MECOM: variants seen among roughly 807,000 people sequenced by gnomAD.
The protein encoded by MECOM is MDS1 and EVI1 complex locus.
MECOM carries 13 observed loss-of-function variants against 116.3 expected under a neutral mutation model. That is an observed-to-expected ratio of 0.11 (90% CI 0.07 to 0.18). The LOEUF is 0.18. MECOM is among the 10% of genes least tolerant of loss of function. The pLI, the probability that MECOM is intolerant of heterozygous loss-of-function variation, is 1.00. For synonymous variants in MECOM, 528 were observed against 535.2 expected, an observed-to-expected ratio of 0.99 and a Z score of 0.19; for missense variants, 1,299 against 1,509.0, an observed-to-expected ratio of 0.86 and a Z score of 2.31.
intron 2 of MECOM, chr3:169,269,314 A>G (rs1205589886): frequency 6.6e-6 from 1 of 152,424 alleles, no homozygotes; most frequent in African/African-American, 2.4e-5. Flanking sequence ...TAACTCTTTG[A>G]AAAGGATTGC....
chr3:169,338,600 G>GTGTGT (rs1723967259), intron 2 of MECOM, among the ~76,000 whole-genome samples: 37 of 146,544 alleles, frequency 2.5e-4, no homozygotes, highest in African/African-American at 7.3e-4. Context: ...TTATGTTAGG[G>GTGTGT]GTGTGTGTGT....
At chr3:169,564,634 G>A (rs1313441120) in intron 1 of MECOM, among the ~76,000 whole-genome samples, 1 of 152,090 alleles carries the variant, frequency 6.6e-6, no homozygotes, top group Admixed American at 6.6e-5. Context: ...TATAAAAAAT[G>A]GTATTGCCCA....
intron 1 of MECOM, among the ~76,000 whole-genome samples, chr3:169,400,966 C>T (rs1014833402): frequency 1.3e-5 from 2 of 152,164 alleles, no homozygotes; most frequent in African/African-American, 4.8e-5. Flanking sequence ...TCTCAAATAT[C>T]CCAGTAATGG....
intron 1 of MECOM, among the ~76,000 whole-genome samples, chr3:169,521,335 C>G (rs1757329745): frequency 6.6e-6 from 1 of 152,122 alleles, no homozygotes; most frequent in South Asian, 2.1e-4. Flanking sequence ...GTATTTCTGT[C>G]CTTTAAGAAG....
At position 169,145,271 on chromosome 3, in the gene MECOM, A is replaced by G. The variant is rs899188720; in HGVS notation, c.376-1439T>C. ...AAGTGTACACTTAAACATCCTTTCT[A>G]TTAAGAGGACAAATTCTAAAAATTT... On this transcript the variant is annotated intron_variant, in intron 2 of 16. Transcript: ENST00000651503. 17 of 426,624 alleles carry G rather than the reference A, an allele frequency of 4.0e-5. No individual in the cohort carries two copies. The Admixed American group carries it at 6.4e-4, about 16-fold the overall frequency. 26.4% of individuals were successfully genotyped at this position (426,624 alleles called of 1,614,324 possible).
At chr3:169,101,994 A>C in intron 11 of MECOM, 66 bp downstream of exon 11, 4 of 1,496,242 alleles carry the variant, frequency 2.7e-6, no homozygotes, top group Non-Finnish European at 3.6e-6. Flanking sequence ...CAAAACAAAC[A>C]GCAAGACCTT....
At chr3:169,431,281 A>G (rs967155976) in intron 1 of MECOM, among the ~76,000 whole-genome samples, 1 of 152,186 alleles carries the variant, frequency 6.6e-6, no homozygotes, top group Non-Finnish European at 1.5e-5. Context: ...AGGGAGTAGC[A>G]GGGACCTGTC....
At chr3:169,391,878 T>C (rs1421791729) in intron 1 of MECOM, among the ~76,000 whole-genome samples, 3 of 152,096 alleles carry the variant, frequency 2.0e-5, no homozygotes, top group African/African-American at 7.2e-5. Context: ...AGTCACACAG[T>C]CTAAGACACT....
chr3:169,245,497 G>T (rs1352340), intron 2 of MECOM, among the ~76,000 whole-genome samples: 18,565 of 152,198 alleles, frequency 0.12, 1,729 homozygotes, highest in African/African-American at 0.24. Flanking sequence ...GTACTTTACT[G>T]TGGGTGGTAG....
intron 1 of MECOM, among the ~76,000 whole-genome samples, chr3:169,496,682 A>T (rs149020705): frequency 2.6e-5 from 4 of 152,200 alleles, no homozygotes; most frequent in Non-Finnish European, 5.9e-5. Context: ...TCCATCATAA[A>T]GCCTTCCTCA....
intron 2 of MECOM, among the ~76,000 whole-genome samples, chr3:169,191,322 G>A (rs1747509600): frequency 6.6e-6 from 1 of 151,698 alleles, no homozygotes; most frequent in African/African-American, 2.4e-5. Context: ...GCACATTCAG[G>A]ACTATAGGAG....
At chr3:169,328,466 T>C (rs1722209174) in intron 2 of MECOM, among the ~76,000 whole-genome samples, 1 of 152,184 alleles carries the variant, frequency 6.6e-6, no homozygotes, top group African/African-American at 2.4e-5. Flanking sequence ...TTGTTTAGTC[T>C]TGTCATCATA....
At chr3:169,452,775 G>A (rs1476938354) in intron 1 of MECOM, among the ~76,000 whole-genome samples, 1 of 152,106 alleles carries the variant, frequency 6.6e-6, no homozygotes, top group Non-Finnish European at 1.5e-5. Context: ...GGCTAACCCT[G>A]GGTATCATCC....
chr3:169,472,660 A>AAGGAG (rs1443024044), intron 1 of MECOM, among the ~76,000 whole-genome samples: 1 of 105,910 alleles, frequency 9.4e-6, no homozygotes, highest in Non-Finnish European at 1.8e-5. Flanking sequence ...AAAGAAAAGA[A>AAGGAG]AGGAAAGGAA....
intron 2 of MECOM, among the ~76,000 whole-genome samples, chr3:169,227,389 T>G (rs912953762): frequency 6.6e-6 from 1 of 152,206 alleles, no homozygotes; most frequent in African/African-American, 2.4e-5. Flanking sequence ...TCCTACCTGT[T>G]GTAATTTTGG....
intron 1 of MECOM, among the ~76,000 whole-genome samples, chr3:169,401,165 T>C (rs984139496): frequency 6.6e-6 from 1 of 152,172 alleles, no homozygotes; most frequent in Non-Finnish European, 1.5e-5. Flanking sequence ...ATGTCTCCAC[T>C]CTGCCAAACC....
chr3:169,126,059 C>T (rs1413281166), intron 5 of MECOM, among the ~76,000 whole-genome samples: 1 of 152,082 alleles, frequency 6.6e-6, no homozygotes, highest in Non-Finnish European at 1.5e-5. Flanking sequence ...TAGTGACATG[C>T]TTTATCCATA....
At chr3:169,191,763 A>C (rs918670841) in intron 2 of MECOM, among the ~76,000 whole-genome samples, 2 of 132,894 alleles carry the variant, frequency 1.5e-5, no homozygotes, top group Non-Finnish European at 1.6e-5. Context: ...AGAAAGAAAG[A>C]AAGAAAGAAA....
At chr3:169,305,938 T>C (rs1717611652) in intron 2 of MECOM, among the ~76,000 whole-genome samples, 1 of 152,180 alleles carries the variant, frequency 6.6e-6, no homozygotes, top group African/African-American at 2.4e-5. Flanking sequence ...TAGACACACA[T>C]TAGTTGTTAA....
Sources: gnomAD v4.1 joint callset for allele counts (sites outside exome capture counted in the v4.1 genomes callset) on GRCh38, gnomAD v4.1.1 for gene constraint, MANE v1.5 for transcripts, NCBI Gene and HGNC (gene_info 2026-07-23, HGNC 2026-07-21) for gene names.